Variants in CATSPERQ observed in about 807,000 individuals in gnomAD.
CATSPERQ encodes catsper channel auxiliary subunit theta, also known as cation channel sperm-associated auxiliary subunit theta.
chr8:144,353,616 C>G, the CATSPERQ span: 1 of 1,460,186 alleles, frequency 6.8e-7, no homozygotes, highest in African/African-American at 1.4e-5. Flanking sequence ...CAGGCTGCAT[C>G]CCCCGTCCTG....
At chr8:144,354,243 CAG>C in the CATSPERQ span, 1 of 1,542,200 alleles carries the variant, frequency 6.5e-7, no homozygotes, top group Non-Finnish European at 8.7e-7. The surrounding 1 kb of genome is among the most constrained non-coding windows in gnomAD (Gnocchi z 4.6). Context: ...ACACCTCTCT[CAG>C]GGAGCTGAAG....
the CATSPERQ span, chr8:144,354,198 GGGA>G: frequency 1.3e-6 from 2 of 1,545,004 alleles, no homozygotes; most frequent in South Asian, 1.2e-5. The surrounding 1 kb of genome is among the most constrained non-coding windows in gnomAD (Gnocchi z 4.6). Context: ...CGGCCCTCAG[GGGA>G]GGAGGGCGGT....
At chr8:144,353,851 C>T in the CATSPERQ span, 28 of 1,535,298 alleles carry the variant, frequency 1.8e-5, no homozygotes, top group African/African-American at 2.7e-5. Flanking sequence ...GTGGAAGAAG[C>T]ACCTTCCGTG....
At chr8:144,353,890 CT>C in the CATSPERQ span, 8 of 1,530,566 alleles carry the variant, frequency 5.2e-6, no homozygotes, top group Non-Finnish European at 7.0e-6. Context: ...CTTAGCCAGC[CT>C]GGCCGCCCCT....
At chr8:144,353,405 C>G in the CATSPERQ span, 3 of 1,535,760 alleles carry the variant, frequency 2.0e-6, no homozygotes, top group Non-Finnish European at 2.6e-6. Context: ...GGCTCTTGCC[C>G]ATCACAGTGC....
the CATSPERQ span, chr8:144,353,838 C>A: frequency 6.5e-7 from 1 of 1,535,438 alleles, no homozygotes; most frequent in Non-Finnish European, 8.7e-7. Context: ...CGCCGAGGAC[C>A]AGGTGGAAGA....
chr8:144,353,840 G>A, the CATSPERQ span: 2 of 1,535,458 alleles, frequency 1.3e-6, no homozygotes, highest in Non-Finnish European at 8.7e-7. Context: ...CCGAGGACCA[G>A]GTGGAAGAAG....
the CATSPERQ span, chr8:144,354,927 G>A: frequency 3.5e-5 from 41 of 1,187,660 alleles, 1 homozygote; most frequent in South Asian, 6.1e-4. This position sits in a 1 kb window ranked among gnomAD's most constrained non-coding sequence, Gnocchi z 4.6. Context: ...GCCAGGGAGC[G>A]GCCCAGGGTG....
At chr8:144,353,426 G>C in the CATSPERQ span, 2 of 1,535,848 alleles carry the variant, frequency 1.3e-6, no homozygotes, top group African/African-American at 2.7e-5. Context: ...CAGCGCCAGG[G>C]GGTGGCCAGT....
chr8:144,354,574 T>TGCCCCCCCCCCCCCCCCCCC, the CATSPERQ span: 5 of 322,966 alleles, frequency 1.5e-5, no homozygotes, highest in Non-Finnish European at 2.7e-5. The surrounding 1 kb of genome is among the most constrained non-coding windows in gnomAD (Gnocchi z 4.6). Flanking sequence ...GCCCCGCCCT[T>TGCCCCCCCCCCCCCCCCCCC]CCCAGCCCCG....
chr8:144,353,461 T>C, the CATSPERQ span: 58 of 1,535,606 alleles, frequency 3.8e-5, no homozygotes, highest in South Asian at 6.1e-4. Context: ...CGGTAGGAGG[T>C]GGCCAGGTAG....
At chr8:144,353,793 C>T in the CATSPERQ span, 1 of 1,535,556 alleles carries the variant, frequency 6.5e-7, no homozygotes, top group Non-Finnish European at 8.7e-7. Context: ...AGTGCTCCGA[C>T]AGCTGCACCA....
chr8:144,354,091 AGCCACAG>A, the CATSPERQ span: 1 of 1,535,350 alleles, frequency 6.5e-7, no homozygotes, highest in Non-Finnish European at 8.7e-7. The surrounding 1 kb of genome is among the most constrained non-coding windows in gnomAD (Gnocchi z 4.6). Flanking sequence ...CGAGATCACG[AGCCACAG>A]GCCCACGCCC....
the CATSPERQ span, chr8:144,354,133 G>C: frequency 6.5e-7 from 1 of 1,534,780 alleles, no homozygotes; most frequent in Non-Finnish European, 8.7e-7. The surrounding 1 kb of genome is among the most constrained non-coding windows in gnomAD (Gnocchi z 4.6). Context: ...GAAGACCCAG[G>C]TCTCTTGCTT....
chr8:144,354,688 C>A, the CATSPERQ span: 4 of 1,535,446 alleles, frequency 2.6e-6, no homozygotes, highest in Admixed American at 2.0e-5. This position sits in a 1 kb window ranked among gnomAD's most constrained non-coding sequence, Gnocchi z 4.6. Flanking sequence ...GCGCTCCGGG[C>A]AGGTGAGTCC....
chr8:144,354,650 T>C, the CATSPERQ span: 1 of 1,532,044 alleles, frequency 6.5e-7, no homozygotes, highest in Non-Finnish European at 8.7e-7. The surrounding 1 kb of genome is among the most constrained non-coding windows in gnomAD (Gnocchi z 4.6). Flanking sequence ...GGGTAGAAGC[T>C]ATTGTTCTTG....
At chr8:144,353,481 T>C in the CATSPERQ span, 2 of 1,535,780 alleles carry the variant, frequency 1.3e-6, no homozygotes, top group East Asian at 4.9e-5. Flanking sequence ...GTCGAAGTAG[T>C]TGATGTTGAG....
the CATSPERQ span, chr8:144,353,692 G>A: frequency 2.1e-5 from 31 of 1,501,046 alleles, 1 homozygote; most frequent in East Asian, 3.0e-4. Flanking sequence ...TACCCTCTGC[G>A]TGCGGAAACG....
the CATSPERQ span, chr8:144,354,133 G>A: frequency 1.6e-4 from 240 of 1,534,780 alleles, 2 homozygotes; most frequent in East Asian, 3.9e-3. This position sits in a 1 kb window ranked among gnomAD's most constrained non-coding sequence, Gnocchi z 4.6. Flanking sequence ...GAAGACCCAG[G>A]TCTCTTGCTT....
Sources: allele counts gnomAD v4.1 joint callset, GRCh38; gene constraint gnomAD v4.1.1; non-coding constraint Gnocchi (gnomAD v3.1); transcripts MANE v1.5; gene names NCBI Gene and HGNC (gene_info 2026-07-23, HGNC 2026-07-21).